Variants in ELAPOR1 observed in about 807,000 individuals in gnomAD.
The protein encoded by ELAPOR1 is endosome-lysosome associated apoptosis and autophagy regulator 1, also known as endosome/lysosome-associated apoptosis and autophagy regulator 1.
Under a neutral mutation model 119.7 loss-of-function variants are expected in ELAPOR1, and 77 were observed. The ratio of observed to expected loss-of-function variants is 0.64; its 90% CI spans 0.54 to 0.78. ELAPOR1 has a LOEUF of 0.78. Among genes scored for constraint, ELAPOR1 ranks in the 30% least tolerant of loss-of-function variants. The pLI is 0.00. For missense variants in ELAPOR1, 1,115 were observed against 1,270.4 expected (o/e 0.88, Z 1.86); for synonymous variants, 481 against 487.2 (o/e 0.99, Z 0.17).
intron 5 of ELAPOR1, among the ~76,000 whole-genome samples, chr1:109,173,125 G>A (rs1017394873): frequency 1.3e-4 from 19 of 149,636 alleles, no homozygotes; most frequent in African/African-American, 4.7e-4. Flanking sequence ...AAAAAAGACT[G>A]GGTATTCTGG....
At chr1:109,148,749 T>C (rs551888116) in intron 1 of ELAPOR1, among the ~76,000 whole-genome samples, 1 of 152,242 alleles carries the variant, frequency 6.6e-6, no homozygotes, top group African/African-American at 2.4e-5. Flanking sequence ...CTGACATGTA[T>C]GATTAAAAGC....
At position 109,171,999 on chromosome 1, in the gene ELAPOR1, A is replaced by G. The variant is rs1435997112; in HGVS notation, c.601A>G (p.Ile201Val). 6.2e-7 allele frequency: 1 copy of G among 1,614,062 alleles called. No individual in the cohort carries two copies. Among genetic ancestry groups the G allele is most frequent in the Non-Finnish European group, 8.5e-7 (1 of 1,180,032 alleles). Residue 201 changes from isoleucine to valine, a missense_variant, in exon 4 of 22, where the codon ATC becomes GTC. Coordinates refer to ENST00000369939, the MANE Select transcript of ELAPOR1 (RefSeq NM_020775.5). ...FEYYYPDSSI[I>V]FEFFVQNDQC... ...ATACTACTATCCAGACTCCAGCATC[A>G]TCTTTGAGTTTTTCGTAAGCCCCTG...
chr1:109,160,481 T>C (rs1651181229), intron 1 of ELAPOR1, among the ~76,000 whole-genome samples: 1 of 152,174 alleles, frequency 6.6e-6, no homozygotes. Context: ...CGTCTTGATT[T>C]CATAGATGTT....
intron 2 of ELAPOR1, among the ~76,000 whole-genome samples, chr1:109,163,113 G>A (rs1028092992): frequency 6.6e-6 from 1 of 152,244 alleles, no homozygotes; most frequent in African/African-American, 2.4e-5. Flanking sequence ...CGAATATTTA[G>A]GGATCAGGCA....
rs1296463049 is a variant in ELAPOR1 at position 109,144,062 on chromosome 1, T to TATATATATATA, written c.154-17832_154-17831insATATATATATA. Among the ~76,000 whole-genome samples the TATATATATATA allele has an allele frequency of 3.8e-4, 14 of 36,524 alleles. 1 individual carries two copies. Among genetic ancestry groups the TATATATATATA allele is most frequent in the African/African-American group, 4.6e-4 (6 of 12,918 alleles). The allele number at this position is 36,524 out of a possible 152,430, so 24.0% of individuals were successfully genotyped here. On this transcript the variant is annotated intron_variant, in intron 1 of 21. Coordinates refer to ENST00000369939, the MANE Select transcript of ELAPOR1 (RefSeq NM_020775.5). ...ATATATATATATATATATTTATATATTTTTTTTTTTTTTTGAGATGGAGTT... is the reference window on the plus strand; with the variant it reads ...ATATATATATATATATATTTATATATATATATATATATTTTTTTTTTTTTTGAGATGGAGTT...
At chr1:109,198,760 C>A in intron 18 of ELAPOR1, 86 bp downstream of exon 18, 6 of 1,223,584 alleles carry the variant, frequency 4.9e-6, no homozygotes, top group South Asian at 2.7e-5. Flanking sequence ...TGAAAAAGAG[C>A]AAAAAAGAAA....
chr1:109,164,334 GA>G (rs1570667760), intron 2 of ELAPOR1, among the ~76,000 whole-genome samples, 164 bp from the exon 3 acceptor site: 2 of 151,994 alleles, frequency 1.3e-5, no homozygotes, highest in African/African-American at 4.8e-5. Context: ...ATTTTTTTAA[GA>G]AAAATAAAAT....
chr1:109,133,436 C>G (rs1396660952), intron 1 of ELAPOR1, among the ~76,000 whole-genome samples: 1 of 151,148 alleles, frequency 6.6e-6, no homozygotes, highest in Non-Finnish European at 1.5e-5. Flanking sequence ...GCAGGTGCAA[C>G]AGAAAGATGT....
chr1:109,133,908 T>C (rs1649300904), intron 1 of ELAPOR1, among the ~76,000 whole-genome samples: 2 of 152,226 alleles, frequency 1.3e-5, no homozygotes, highest in Admixed American at 1.3e-4. Context: ...CTTAATTTCT[T>C]CCACCAAATT....
chr1:109,193,443 G>A (rs544383651), intron 14 of ELAPOR1, among the ~76,000 whole-genome samples: 5 of 152,020 alleles, frequency 3.3e-5, no homozygotes, highest in East Asian at 1.9e-4. Flanking sequence ...CTTGAGCCCC[G>A]GGGTTCAAGG....
chr1:109,135,974 G>T (rs1471558039), intron 1 of ELAPOR1, among the ~76,000 whole-genome samples: 2 of 152,152 alleles, frequency 1.3e-5, no homozygotes, highest in African/African-American at 2.4e-5. Flanking sequence ...CTTCAAGGAG[G>T]TAACATGATT....
chr1:109,180,498 C>A (rs1348029991), intron 7 of ELAPOR1, among the ~76,000 whole-genome samples: 1 of 59,738 alleles, frequency 1.7e-5, no homozygotes, highest in Non-Finnish European at 3.6e-5. Flanking sequence ...AGAACAGGAC[C>A]CCATCTCTTT....
intron 15 of ELAPOR1, among the ~76,000 whole-genome samples, chr1:109,196,125 C>T (rs1261770742): frequency 2.6e-5 from 4 of 152,098 alleles, no homozygotes; most frequent in Admixed American, 6.5e-5. Context: ...CACTGCACTC[C>T]AGCCTGGACA....
At chr1:109,144,733 A>G (rs576976357) in intron 1 of ELAPOR1, among the ~76,000 whole-genome samples, 1 of 151,990 alleles carries the variant, frequency 6.6e-6, no homozygotes, top group South Asian at 2.1e-4. Flanking sequence ...CAAGAGCCAA[A>G]CTCCATCTCA....
intron 1 of ELAPOR1, among the ~76,000 whole-genome samples, chr1:109,148,381 C>G (rs972767914): frequency 6.6e-6 from 1 of 151,976 alleles, no homozygotes; most frequent in South Asian, 2.1e-4. Flanking sequence ...TCAGGTGATC[C>G]GCCCACCTCA....
intron 15 of ELAPOR1, among the ~76,000 whole-genome samples, chr1:109,195,763 G>T (rs958118531): frequency 1.3e-5 from 2 of 152,216 alleles, no homozygotes; most frequent in Non-Finnish European, 2.9e-5. Flanking sequence ...AAATATTTCA[G>T]ATCCAAAATT....
In ELAPOR1 at chr1:109,173,097, CAAAAAAAAA is replaced by C. The variant is rs58149393; in HGVS notation, c.697-362_697-354del. 6.5e-5 allele frequency among the ~76,000 whole-genome samples: 6 copies of C among 91,938 alleles called. No individual in the cohort carries two copies. In the East Asian group the frequency reaches 1.6e-3, roughly 24 times the overall value. 60.3% of individuals were successfully genotyped at this position (91,938 alleles called of 152,430 possible). ...GGGCAACAAAAGCGAAACTCTGTCT[CAAAAAAAAA>C]AAAAAAAAAAAAAAGACTGGGTATT... On this transcript the variant is annotated intron_variant, in intron 5 of 21. Transcript: ENST00000369939.
At chr1:109,114,725 T>C (rs553693700) in intron 1 of ELAPOR1, among the ~76,000 whole-genome samples, 4 of 149,966 alleles carry the variant, frequency 2.7e-5, no homozygotes, top group Admixed American at 2.7e-4. Context: ...GAAAGAAGAG[T>C]AGTGGGAGAG....
chr1:109,183,115 T>C (rs1458828133), intron 7 of ELAPOR1, among the ~76,000 whole-genome samples: 2 of 152,108 alleles, frequency 1.3e-5, no homozygotes, highest in Non-Finnish European at 2.9e-5. Flanking sequence ...TACGCATATT[T>C]TTCTAGGTAG....
Sources: gnomAD v4.1 joint callset for allele counts (sites outside exome capture counted in the v4.1 genomes callset) on GRCh38, gnomAD v4.1.1 for gene constraint, MANE v1.5 for transcripts, NCBI Gene and HGNC (gene_info 2026-07-23, HGNC 2026-07-21) for gene names.